Variants in SAG observed in about 807,000 individuals in gnomAD.
SAG encodes S-antigen visual arrestin, also known as S-arrestin.
Under a neutral mutation model 55.0 loss-of-function variants are expected in SAG, and 45 were observed. That is an observed-to-expected ratio of 0.82 (90% CI 0.64 to 1.05). The LOEUF (loss-of-function observed/expected upper bound fraction) is 1.05, where lower values mean the gene tolerates loss of function less well. Among genes scored for constraint, SAG ranks in the 50% least tolerant of loss-of-function variants. The pLI, the probability that SAG is intolerant of heterozygous loss-of-function variation, is 0.00. For synonymous variants in SAG, 189 were observed against 197.4 expected (o/e 0.96, Z 0.36); for missense variants, 455 against 512.1 (o/e 0.89, Z 1.08).
chr2:233,335,180 G>A (rs1255562204), intron 11 of SAG, 81 bp downstream of exon 11: 3 of 1,520,104 alleles, frequency 2.0e-6, no homozygotes, highest in Admixed American at 2.1e-5. Flanking sequence ...ACCCTGCTGG[G>A]CTCGCAGGCA....
chr2:233,330,533 CT>C (rs1700725466), intron 9 of SAG, among the ~76,000 whole-genome samples: 2 of 149,876 alleles, frequency 1.3e-5, no homozygotes, highest in Non-Finnish European at 3.0e-5. Context: ...TCCTTCCTTC[CT>C]TCCTTCCTCC....
Position 233,328,498 on chromosome 2 carries a change from T to A in SAG, c.533T>A (p.Ile178Asn). 2.5e-6 allele frequency: 4 copies of A among 1,613,762 alleles called. No individual in the cohort carries two copies. Among genetic ancestry groups the A allele is most frequent in the Non-Finnish European group, 3.4e-6 (4 of 1,179,726 alleles). ...IPKKSSVRLLIRKVQHAPLEM... is the reference protein window; with the variant it reads ...IPKKSSVRLLNRKVQHAPLEM... Reference sequence around the variant, plus strand: ...CACAGGAGCTCCGTGCGATTACTGATCCGCAAAGTACAGCATGCCCCACTT... The same window carrying A: ...CACAGGAGCTCCGTGCGATTACTGAACCGCAAAGTACAGCATGCCCCACTT... Residue 178 changes from isoleucine to asparagine, a missense_variant, in exon 8 of 16, where the codon ATC becomes AAC. By Grantham distance (149) the Ile-to-Asn change is moderately radical. Coordinates refer to ENST00000409110, the MANE Select transcript of SAG (RefSeq NM_000541.5).
intron 2 of SAG, among the ~76,000 whole-genome samples, chr2:233,314,891 GAAGGGGGCCAGCC>G (rs1700175837): frequency 6.6e-6 from 1 of 152,164 alleles, no homozygotes; most frequent in Admixed American, 6.5e-5. Flanking sequence ...TTCATTCGAA[GAAGGGGGCCAGCC>G]AAGGGGGCCA....
chr2:233,316,651 G>A (rs909681499), intron 3 of SAG, among the ~76,000 whole-genome samples: 2 of 152,138 alleles, frequency 1.3e-5, no homozygotes. Flanking sequence ...AAGGACTCAT[G>A]TCTGGAATGT....
intron 13 of SAG, 91 bp from the exon 14 acceptor site, chr2:233,342,180 T>C: frequency 1.0e-6 from 1 of 996,630 alleles, no homozygotes; most frequent in Non-Finnish European, 1.5e-6. Flanking sequence ...CCTGGGGATC[T>C]TTTGTGACTC....
Position 233,321,986 on chromosome 2 carries a change from T to TACACAC in SAG, c.376-914_376-909dup, listed in dbSNP as rs57822347. Reference sequence around the variant, plus strand: ...GGTGAAACCCCGTCTCTACTAAAAATACACACACACACACACACACACACA... The same window carrying TACACAC: ...GGTGAAACCCCGTCTCTACTAAAAATACACACACACACACACACACACACACACACA... On this transcript the variant is annotated intron_variant, in intron 5 of 15. Coordinates refer to ENST00000409110, the MANE Select transcript of SAG (RefSeq NM_000541.5). 7.0e-3 allele frequency among the ~76,000 whole-genome samples: 931 copies of TACACAC among 133,298 alleles called. 6 individuals are homozygous for TACACAC. The highest frequency in any genetic ancestry group is 0.011 in the Middle Eastern group (3 of 278). 87.4% of individuals were successfully genotyped at this position (133,298 alleles called of 152,430 possible).
intron 12 of SAG, among the ~76,000 whole-genome samples, chr2:233,339,615 A>G (rs1403247946): frequency 6.6e-6 from 1 of 151,344 alleles, no homozygotes; most frequent in African/African-American, 2.4e-5. Context: ...TTAGCAGTCA[A>G]GGAAAGCAAC....
chr2:233,330,575 GGCTGGAGT>G (rs1276158921), intron 9 of SAG, among the ~76,000 whole-genome samples: 5 of 148,346 alleles, frequency 3.4e-5, no homozygotes, highest in Non-Finnish European at 7.4e-5. Context: ...CTGTCACCCA[GGCTGGAGT>G]GCAGTGGTGT....
chr2:233,342,627 A>T, intron 14 of SAG: 1 of 366,118 alleles, frequency 2.7e-6, no homozygotes, highest in East Asian at 4.9e-5. Context: ...CTCTGCTGTC[A>T]ACAGACCTGG....
At chr2:233,339,407 G>A (rs1701030198) in intron 12 of SAG, among the ~76,000 whole-genome samples, 1 of 152,208 alleles carries the variant, frequency 6.6e-6, no homozygotes, top group Admixed American at 6.5e-5. Flanking sequence ...TCAAAGGCAA[G>A]TCTGTGCCTA....
intron 10 of SAG, chr2:233,332,312 T>TG (rs1247515670): frequency 8.5e-5 from 13 of 152,532 alleles, no homozygotes; most frequent in Admixed American, 1.3e-4. Context: ...TGGCTTGGAG[T>TG]GGGGGGCGAT....
At chr2:233,315,281 CTTTTTTTTTTTTTTTTTT>C (rs5839476) in intron 2 of SAG, among the ~76,000 whole-genome samples, 1 of 69,392 alleles carries the variant, frequency 1.4e-5, no homozygotes, top group Admixed American at 2.1e-4. Context: ...TCCAGAAGTT[CTTTTTTTTTTTTTTTTTT>C]TTTTTTTTTT....
At position 233,327,343 on chromosome 2, in the gene SAG, G is replaced by A. The variant is rs1343671973; in HGVS notation, c.512+146G>A. The A allele has an allele frequency of 5.1e-6, 3 of 589,608 alleles. No homozygotes were observed. In the East Asian group the frequency reaches 8.5e-5, roughly 17 times the overall value. 36.5% of individuals were successfully genotyped at this position (589,608 alleles called of 1,614,324 possible). ...ATCTGCATGTGGGATGGAGGTCAAA[G>A]GTTGATCATTTTTGGGGAAAAAAAA... On this transcript the variant is annotated intron_variant, in intron 7 of 15. Transcript: ENST00000409110.
At position 233,334,911 on chromosome 2, in the gene SAG, G is replaced by A. The variant is rs1331588378; in HGVS notation, c.807-51G>A. The A allele has an allele frequency of 3.1e-6, 5 of 1,605,332 alleles. No individual in the cohort carries two copies. In the East Asian group the frequency reaches 1.1e-4, roughly 36 times the overall value. ...CTAATGTCAAATAGGGGCTCATGGG[G>A]TCCATGGCAGCTTTGATGGTTATAA... On this transcript the variant is annotated intron_variant, in intron 10 of 15. Coordinates refer to ENST00000409110, the MANE Select transcript of SAG (RefSeq NM_000541.5).
chr2:233,337,089 CT>C (rs911944922), intron 11 of SAG, among the ~76,000 whole-genome samples: 2 of 127,974 alleles, frequency 1.6e-5, no homozygotes, highest in African/African-American at 5.7e-5. Flanking sequence ...AAATGAGACC[CT>C]GTCTCAAAAA....
intron 2 of SAG, among the ~76,000 whole-genome samples, chr2:233,314,264 C>T (rs1344738584): frequency 5.9e-5 from 9 of 152,042 alleles, no homozygotes; most frequent in East Asian, 1.9e-4. Context: ...ATGCGCCACA[C>T]GGCAGTGACG....
intron 7 of SAG, chr2:233,328,254 C>T (rs1009481053): frequency 3.6e-5 from 17 of 470,080 alleles, no homozygotes; most frequent in African/African-American, 2.6e-4. Context: ...TGCCTGGCCC[C>T]ACAGCTTCCC....
chr2:233,310,640 G>A (rs1700053598), intron 2 of SAG, among the ~76,000 whole-genome samples: 2 of 151,726 alleles, frequency 1.3e-5, no homozygotes, highest in African/African-American at 2.4e-5. Context: ...CCTAGTAGCT[G>A]GGACTACAGG....
chr2:233,319,547 G>C lies in SAG; in HGVS notation c.181+752G>C. 1 of 987,050 alleles carries C rather than the reference G, an allele frequency of 1.0e-6. No homozygotes were observed. The highest frequency in any genetic ancestry group is 1.2e-6 in the Non-Finnish European group (1 of 830,166). 61.1% of individuals were successfully genotyped at this position (987,050 alleles called of 1,614,324 possible). ...CATCAAGGAATTGTTCAGAACCCTG[G>C]ATGTGCCACTGGAATACGTCAGCTA... On this transcript the variant is annotated intron_variant, in intron 4 of 15. Transcript: ENST00000409110. The surrounding 1 kb of genome is among the most constrained non-coding windows in gnomAD (Gnocchi z 4.4).
Sources: allele counts gnomAD v4.1 joint callset (sites outside exome capture counted in the v4.1 genomes callset), GRCh38; gene constraint gnomAD v4.1.1; non-coding constraint Gnocchi (gnomAD v3.1); transcripts MANE v1.5; gene names NCBI Gene and HGNC (gene_info 2026-07-23, HGNC 2026-07-21).